Variants in MYO3B observed in about 807,000 individuals in gnomAD.
MYO3B encodes myosin IIIB.
MYO3B carries 156 observed loss-of-function variants against 174.6 expected under a neutral mutation model. That is an observed-to-expected ratio of 0.89 (90% confidence interval 0.78 to 1.02). MYO3B has a LOEUF of 1.02. MYO3B is among the 50% of genes least tolerant of loss of function. The probability of loss-of-function intolerance (pLI) is 0.00; values close to 1 mark genes in which losing one functional copy is unlikely to be tolerated. For synonymous variants in MYO3B, 563 were observed against 569.1 expected, an observed-to-expected ratio of 0.99 and a Z score of 0.15; for missense variants, 1,632 against 1,639.4, an observed-to-expected ratio of 1.00 and a Z score of 0.08.
chr2:170,468,364 T>G (rs569839766), intron 25 of MYO3B, among the ~76,000 whole-genome samples: 2 of 152,312 alleles, frequency 1.3e-5, no homozygotes, highest in African/African-American at 4.8e-5. Flanking sequence ...TAAAAACTCA[T>G]TTAATGTGAC....
chr2:170,380,147 A>G (rs2094324670), intron 9 of MYO3B, among the ~76,000 whole-genome samples: 1 of 152,210 alleles, frequency 6.6e-6, no homozygotes, highest in East Asian at 1.9e-4. Context: ...TGATATCCTC[A>G]TAAGCTGTGA....
intron 32 of MYO3B, among the ~76,000 whole-genome samples, chr2:170,613,200 C>T (rs146244608): frequency 6.6e-6 from 1 of 152,326 alleles, no homozygotes; most frequent in Non-Finnish European, 1.5e-5. Flanking sequence ...AATGACTTTT[C>T]AGAAGCATGA....
chr2:170,635,716 T>A (rs1333369674), intron 32 of MYO3B, among the ~76,000 whole-genome samples: 2 of 152,174 alleles, frequency 1.3e-5, no homozygotes, highest in Non-Finnish European at 2.9e-5. Context: ...AAGTCTAATC[T>A]GTGATCAAAA....
chr2:170,452,488 A>G (rs1206034892), intron 23 of MYO3B, among the ~76,000 whole-genome samples: 1 of 152,182 alleles, frequency 6.6e-6, no homozygotes, highest in Non-Finnish European at 1.5e-5. Flanking sequence ...GGAAAAAGAT[A>G]AAGGCCTTTT....
At chr2:170,420,905 C>A (rs917375713) in intron 22 of MYO3B, among the ~76,000 whole-genome samples, 19 of 152,106 alleles carry the variant, frequency 1.2e-4, no homozygotes, top group African/African-American at 4.3e-4. Flanking sequence ...CTCTGCCTCC[C>A]CAACATTTTT....
intron 22 of MYO3B, among the ~76,000 whole-genome samples, chr2:170,425,084 A>G (rs1324064477): frequency 6.6e-6 from 1 of 152,132 alleles, no homozygotes; most frequent in Non-Finnish European, 1.5e-5. Flanking sequence ...CTTTCAGGTC[A>G]TTTCCCTCCC....
intron 8 of MYO3B, among the ~76,000 whole-genome samples, chr2:170,338,928 A>G (rs1490204672): frequency 1.3e-5 from 2 of 152,190 alleles, no homozygotes; most frequent in Admixed American, 1.3e-4. Context: ...TTCATTCTGT[A>G]GAGGAGACTG....
intron 7 of MYO3B, among the ~76,000 whole-genome samples, chr2:170,248,637 TC>T (rs979589207): frequency 6.6e-6 from 1 of 152,172 alleles, no homozygotes; most frequent in Non-Finnish European, 1.5e-5. Context: ...CTCCCTTCTA[TC>T]TTAAAAGCCA....
chr2:170,444,536 T>G (rs1359427008), intron 23 of MYO3B, among the ~76,000 whole-genome samples: 2 of 152,214 alleles, frequency 1.3e-5, no homozygotes, highest in Admixed American at 1.3e-4. Context: ...TAATATTCAT[T>G]GTAAGTGCCA....
chr2:170,499,542 T>C, intron 26 of MYO3B, 104 bp from the exon 27 acceptor site: 1 of 342,620 alleles, frequency 2.9e-6, no homozygotes, highest in Non-Finnish European at 4.6e-6. Flanking sequence ...CTATAAACTT[T>C]ATTTATATCA....
At chr2:170,629,702 TAGCTG>T (rs1696781382) in intron 32 of MYO3B, among the ~76,000 whole-genome samples, 1 of 151,988 alleles carries the variant, frequency 6.6e-6, no homozygotes, top group Non-Finnish European at 1.5e-5. Context: ...TACAAAAAAT[TAGCTG>T]GGCATGGTGG....
chr2:170,651,700 G>T lies in MYO3B; in HGVS notation c.3806G>T (p.Ser1269Ile). 1 of 1,614,042 alleles carries T rather than the reference G, an allele frequency of 6.2e-7. No homozygotes were observed. Among genetic ancestry groups the T allele is most frequent in the East Asian group, 2.2e-5 (1 of 44,878 alleles). Residue 1269 changes from serine (S) to isoleucine (I), a missense_variant, in exon 33 of 35, where the codon AGC becomes ATC. Ser to Ile is a moderately radical substitution (Grantham distance 142). Transcript: ENST00000408978. The part of the protein sequence containing the change: ...RRCQQPKMLS[S>I]PEDTMYYNQL... ...TGTCAGCAGCCCAAAATGCTGAGTAGCCCTGAGGACACCATGTACTATAAC... is the reference window on the plus strand; with the variant it reads ...TGTCAGCAGCCCAAAATGCTGAGTATCCCTGAGGACACCATGTACTATAAC...
At chr2:170,560,713 G>A (rs1335552443) in intron 32 of MYO3B, among the ~76,000 whole-genome samples, 2 of 152,146 alleles carry the variant, frequency 1.3e-5, no homozygotes, top group African/African-American at 4.8e-5. Flanking sequence ...GGACACAATG[G>A]CTGGGTTCTC....
chr2:170,447,497 G>A (rs1407573819), intron 23 of MYO3B, among the ~76,000 whole-genome samples: 2 of 152,204 alleles, frequency 1.3e-5, no homozygotes, highest in Non-Finnish European at 2.9e-5. Flanking sequence ...CCAAAATCTA[G>A]ATGGTTTATG....
chr2:170,646,763 G>GC (rs1180127133), intron 32 of MYO3B: 1 of 378,634 alleles, frequency 2.6e-6, no homozygotes, highest in African/African-American at 2.2e-5. Flanking sequence ...TTTCTCTGGG[G>GC]CCCCTCCCAC....
chr2:170,582,357 G>C (rs1352359636), intron 32 of MYO3B, among the ~76,000 whole-genome samples: 1 of 151,514 alleles, frequency 6.6e-6, no homozygotes, highest in Non-Finnish European at 1.5e-5. Flanking sequence ...AAATGTGCGT[G>C]GGGTGGAGTC....
chr2:170,627,989 C>G (rs373757015), intron 32 of MYO3B, among the ~76,000 whole-genome samples: 4 of 152,198 alleles, frequency 2.6e-5, no homozygotes, highest in East Asian at 1.9e-4. Flanking sequence ...TTAGGCTACT[C>G]GGGGGTCAGG....
At chr2:170,479,262 C>A (rs1376180897) in intron 25 of MYO3B, among the ~76,000 whole-genome samples, 1 of 149,026 alleles carries the variant, frequency 6.7e-6, no homozygotes, top group Non-Finnish European at 1.5e-5. Flanking sequence ...CCAGCCTGGG[C>A]AACAGAGTGA....
At chr2:170,643,514 T>C (rs990232161) in intron 32 of MYO3B, among the ~76,000 whole-genome samples, 1 of 152,190 alleles carries the variant, frequency 6.6e-6, no homozygotes, top group Non-Finnish European at 1.5e-5. Context: ...GCTCTGTAAA[T>C]TAATTGCACA....
Sources: gnomAD v4.1 joint callset for allele counts (sites outside exome capture counted in the v4.1 genomes callset) on GRCh38, gnomAD v4.1.1 for gene constraint, MANE v1.5 for transcripts, NCBI Gene and HGNC (gene_info 2026-07-23, HGNC 2026-07-21) for gene names.